Variants in KALRN observed in about 807,000 individuals in gnomAD.
KALRN encodes kalirin.
In KALRN, 70 loss-of-function variants were observed where a neutral mutation model predicts 353.7. The ratio of observed to expected loss-of-function variants is 0.20; its 90% CI spans 0.16 to 0.24. The LOEUF is 0.24. Among genes scored for constraint, KALRN ranks in the 10% least tolerant of loss-of-function variants. The pLI is 1.00. For missense variants in KALRN, 2,791 were observed against 3,756.7 expected (o/e 0.74, Z 6.72); for synonymous variants, 1,391 against 1,434.8 (o/e 0.97, Z 0.69).
At chr3:124,599,529 A>C (rs1456543246) in intron 34 of KALRN, among the ~76,000 whole-genome samples, 2 of 152,170 alleles carry the variant, frequency 1.3e-5, no homozygotes, top group Non-Finnish European at 2.9e-5. Flanking sequence ...TGCCATCCAC[A>C]GCTGCTGCCT....
At chr3:124,330,045 G>T in intron 8 of KALRN, 53 bp downstream of exon 8, 1 of 1,593,602 alleles carries the variant, frequency 6.3e-7, no homozygotes, top group Non-Finnish European at 8.6e-7. Flanking sequence ...CATGTGGGTG[G>T]GTGATGAGGG....
chr3:124,527,638 A>G (rs1190626842), intron 33 of KALRN, among the ~76,000 whole-genome samples: 1 of 151,772 alleles, frequency 6.6e-6, no homozygotes, highest in African/African-American at 2.4e-5. Flanking sequence ...AGCATTGGGG[A>G]GAAGCAATTT....
rs144233316 is a variant in KALRN, at chr3:124,202,544, G to T, written c.74-25446G>T. ...TGGGATTACAGGTTTGAGCCACCGT[G>T]CAGCCTACCCTAGTTTTTTAATGAG... On this transcript the variant is annotated intron_variant, in intron 1 of 59. Coordinates refer to ENST00000682506, the MANE Select transcript of KALRN (RefSeq NM_001388419.1). 2.7e-4 allele frequency among the ~76,000 whole-genome samples: 41 copies of T among 152,262 alleles called. No individual in the cohort carries two copies. The South Asian group carries it at 6.4e-3, about 24-fold the overall frequency.
intron 25 of KALRN, among the ~76,000 whole-genome samples, chr3:124,468,175 T>G (rs2060525633): frequency 6.6e-6 from 1 of 152,234 alleles, no homozygotes; most frequent in Non-Finnish European, 1.5e-5. Flanking sequence ...TGCCCTGATA[T>G]ACGCATGCAT....
intron 33 of KALRN, among the ~76,000 whole-genome samples, chr3:124,559,246 G>A (rs1358794239): frequency 3.9e-5 from 6 of 152,310 alleles, no homozygotes; most frequent in East Asian, 3.9e-4. Flanking sequence ...GAAGGAGGCC[G>A]TGTCCACCCA....
At chr3:124,396,095 T>C (rs2090126436) in intron 12 of KALRN, among the ~76,000 whole-genome samples, 2 of 152,190 alleles carry the variant, frequency 1.3e-5, no homozygotes, top group African/African-American at 4.8e-5. Context: ...AGGTGCTGTA[T>C]AAATAGGATT....
At chr3:124,699,397 T>A (rs984071460) in intron 55 of KALRN, among the ~76,000 whole-genome samples, 1 of 152,192 alleles carries the variant, frequency 6.6e-6, no homozygotes, top group Non-Finnish European at 1.5e-5. Flanking sequence ...TAACTTTCTG[T>A]CTTAAATCTC....
chr3:124,349,014 C>T (rs1317760833), intron 10 of KALRN, among the ~76,000 whole-genome samples: 1 of 152,174 alleles, frequency 6.6e-6, no homozygotes, highest in African/African-American at 2.4e-5. Context: ...CCACCGTGCC[C>T]AGCTGTCAAA....
intron 3 of KALRN, among the ~76,000 whole-genome samples, chr3:124,260,062 A>T (rs1473094838): frequency 6.6e-6 from 1 of 152,064 alleles, no homozygotes; most frequent in Non-Finnish European, 1.5e-5. Flanking sequence ...TTGCCATATG[A>T]GGTGCATTCT....
intron 1 of KALRN, among the ~76,000 whole-genome samples, chr3:124,216,482 T>C (rs1042642854): frequency 6.6e-6 from 1 of 152,232 alleles, no homozygotes; most frequent in Non-Finnish European, 1.5e-5. Context: ...TGGACAGATA[T>C]GCAATGGTTT....
At chr3:124,430,241 T>C (rs1252092685) in intron 15 of KALRN, among the ~76,000 whole-genome samples, 2 of 152,180 alleles carry the variant, frequency 1.3e-5, no homozygotes, top group South Asian at 2.1e-4. Flanking sequence ...AGAGATTAGG[T>C]GCAAAAGATT....
chr3:124,409,239 G>A (rs901668409), intron 13 of KALRN, among the ~76,000 whole-genome samples: 1 of 152,198 alleles, frequency 6.6e-6, no homozygotes, highest in Admixed American at 6.5e-5. Flanking sequence ...TTGACTGAAA[G>A]CGGAATGCCC....
chr3:124,407,751 GACGCAC>G (rs1008986580), intron 13 of KALRN: 22 of 152,290 alleles, frequency 1.4e-4, no homozygotes, highest in Admixed American at 9.8e-4. Context: ...CATGGGCCCT[GACGCAC>G]AAATACGTGA....
chr3:124,251,026 T>C (rs754447335), intron 3 of KALRN, among the ~76,000 whole-genome samples: 40 of 152,354 alleles, frequency 2.6e-4, no homozygotes, highest in Non-Finnish European at 2.1e-4. Flanking sequence ...ACAGTTTTCA[T>C]GTCTTCTCTT....
rs1375659243 is a variant in KALRN at position 124,490,884 on chromosome 3, G to A, written c.4587G>A (p.Leu1529=). Residue 1529 remains leucine, a splice_region_variant and synonymous_variant, in exon 30 of 60, where the codon CTG becomes CTA. Coordinates refer to ENST00000682506, the MANE Select transcript of KALRN (RefSeq NM_001388419.1). ...HTKYVYKNKL[L]TSELGVTEHV... Reference sequence around the variant, plus strand: ...AATATGTTTACAAGAACAAGCTACTGGTAGGTGGGGCAGGTGGGGTAAGAC... The same window carrying A: ...AATATGTTTACAAGAACAAGCTACTAGTAGGTGGGGCAGGTGGGGTAAGAC... 3.1e-6 allele frequency: 5 copies of A among 1,607,116 alleles called. No individual in the cohort carries two copies. In the East Asian group the frequency reaches 1.1e-4, roughly 36 times the overall value.
chr3:124,235,067 C>A, intron 3 of KALRN, 124 bp downstream of exon 3: 1 of 662,944 alleles, frequency 1.5e-6, no homozygotes. Context: ...GGATTCTAAC[C>A]ATTCCTGGAA....
intron 1 of KALRN, among the ~76,000 whole-genome samples, chr3:124,157,154 G>T: frequency 6.6e-6 from 1 of 152,140 alleles, no homozygotes; most frequent in East Asian, 1.9e-4. Context: ...TTAAACTTCT[G>T]TTATAATCAC....
intron 33 of KALRN, among the ~76,000 whole-genome samples, chr3:124,543,230 C>G (rs911925925): frequency 6.6e-6 from 1 of 152,094 alleles, no homozygotes; most frequent in African/African-American, 2.4e-5. Flanking sequence ...AAACCCAGCC[C>G]ACACTCAAGT....
chr3:124,392,611 CTT>C (rs35158681), intron 11 of KALRN, among the ~76,000 whole-genome samples: 6 of 107,696 alleles, frequency 5.6e-5, no homozygotes, highest in Non-Finnish European at 7.6e-5. Context: ...TTCTTTCTTT[CTT>C]TTTTTTTTTT....
Sources: allele counts gnomAD v4.1 joint callset (sites outside exome capture counted in the v4.1 genomes callset), GRCh38; gene constraint gnomAD v4.1.1; transcripts MANE v1.5; gene names NCBI Gene and HGNC (gene_info 2026-07-23, HGNC 2026-07-21).